The following SDK1 variants were observed in gnomAD, a reference collection of about 807,000 sequenced individuals.
SDK1 encodes the protein sidekick cell adhesion molecule 1.
SDK1 carries 157 observed loss-of-function variants against 245.5 expected under a neutral mutation model. The ratio of observed to expected loss-of-function variants is 0.64; its 90% CI spans 0.56 to 0.73. The LOEUF (loss-of-function observed/expected upper bound fraction) is 0.73, where lower values mean the gene tolerates loss of function less well. SDK1 is among the 30% of genes least tolerant of loss of function. The pLI, the probability that SDK1 is intolerant of heterozygous loss-of-function variation, is 0.00. For missense variants in SDK1, 3,583 were observed against 3,002.3 expected (o/e 1.19, Z -4.52); for synonymous variants, 1,647 against 1,278.5 (o/e 1.29, Z -6.15).
intron 1 of SDK1, among the ~76,000 whole-genome samples, chr7:3,396,530 T>C (rs1227777327): frequency 2.6e-5 from 4 of 151,910 alleles, no homozygotes; most frequent in African/African-American, 9.7e-5. Context: ...TAGTTTTATG[T>C]ATTTTGGACC....
intron 1 of SDK1, among the ~76,000 whole-genome samples, chr7:3,608,638 T>C (rs1781495991): frequency 6.6e-6 from 1 of 152,234 alleles, no homozygotes; most frequent in South Asian, 2.1e-4. Context: ...TTTTACATTG[T>C]ATAATGAAAC....
At chr7:3,982,397 A>G (rs1783478885) in intron 13 of SDK1, among the ~76,000 whole-genome samples, 1 of 152,206 alleles carries the variant, frequency 6.6e-6, no homozygotes, top group African/African-American at 2.4e-5. Context: ...CAGACTGTGG[A>G]TGAAGGTGGA....
chr7:4,139,591 GTATATGTA>G (rs1779382622), intron 28 of SDK1, among the ~76,000 whole-genome samples: 2 of 70,068 alleles, frequency 2.9e-5, no homozygotes, highest in South Asian at 4.2e-4. Context: ...GTATGTGTGT[GTATATGTA>G]TATATGTGTG....
intron 4 of SDK1, among the ~76,000 whole-genome samples, chr7:3,695,205 A>G (rs112758409): frequency 6.6e-6 from 1 of 152,234 alleles, no homozygotes; most frequent in South Asian, 2.1e-4. Context: ...GGCGCCTCAC[A>G]CAGCAAATTA....
chr7:3,651,618 C>T (rs996181603), intron 4 of SDK1, among the ~76,000 whole-genome samples: 15 of 152,120 alleles, frequency 9.9e-5, no homozygotes, highest in African/African-American at 3.6e-4. Context: ...AGATACTATG[C>T]AGAGACCAAT....
At chr7:3,801,059 C>G (rs549423865) in intron 4 of SDK1, among the ~76,000 whole-genome samples, 86 of 152,248 alleles carry the variant, frequency 5.6e-4, no homozygotes, top group African/African-American at 2.0e-3. Flanking sequence ...TTTCATTTTC[C>G]TAGTATATTC....
At position 4,129,780 on chromosome 7, in the gene SDK1, C is replaced by A. The variant is rs1047135096; in HGVS notation, c.3940-128C>A. The A allele has an allele frequency of 5.9e-6, 9 of 1,514,272 alleles. No individual in the cohort carries two copies. The East Asian group carries it at 2.1e-4, about 35-fold the overall frequency. 93.8% of individuals were successfully genotyped at this position (1,514,272 alleles called of 1,614,324 possible). On this transcript the variant is annotated intron_variant, in intron 26 of 44. Transcript: ENST00000404826. ...ACAAATTAGATCCAGAAGCCCTGCA[C>A]ACAGCCATCCTCAGGGAGAAAGCAC...
At chr7:3,323,923 C>T (rs1779879319) in intron 1 of SDK1, among the ~76,000 whole-genome samples, 1 of 152,182 alleles carries the variant, frequency 6.6e-6, no homozygotes, top group Non-Finnish European at 1.5e-5. Context: ...GTCATCTTCT[C>T]TGTCTTTTGA....
At chr7:4,128,152 T>A (rs1378405930) in intron 26 of SDK1, among the ~76,000 whole-genome samples, 1 of 152,178 alleles carries the variant, frequency 6.6e-6, no homozygotes, top group Admixed American at 6.5e-5. Flanking sequence ...GGCTCAGCAA[T>A]GCCAAGCATC....
intron 1 of SDK1, among the ~76,000 whole-genome samples, chr7:3,378,285 T>C (rs1464174763): frequency 6.6e-6 from 1 of 152,200 alleles, no homozygotes; most frequent in African/African-American, 2.4e-5. Flanking sequence ...TATGGTCTGC[T>C]GATGGCACTG....
At chr7:4,201,154 T>C (rs1391050402) in intron 35 of SDK1, among the ~76,000 whole-genome samples, 1 of 152,212 alleles carries the variant, frequency 6.6e-6, no homozygotes, top group Non-Finnish European at 1.5e-5. Context: ...GCTGGCTTTC[T>C]TGCACTTCTG....
intron 17 of SDK1, among the ~76,000 whole-genome samples, chr7:4,041,560 AAG>A (rs778211313): frequency 2.0e-5 from 3 of 152,032 alleles, no homozygotes; most frequent in Non-Finnish European, 4.4e-5. Context: ...TAGCCTACAG[AAG>A]AGTTTCCTTG....
Position 3,804,938 on chromosome 7 carries a change from A to C in SDK1, c.714-16512A>C, listed in dbSNP as rs374879516. 1.8e-4 allele frequency among the ~76,000 whole-genome samples: 28 copies of C among 152,340 alleles called. No individual in the cohort carries two copies. In the East Asian group the frequency reaches 5.2e-3, roughly 28 times the overall value. The stretch of plus-strand genomic sequence containing the variant: ...CACAAAATTTTAGTTAGAAGGAATA[A>C]GTTCAGGAGATCTATTAAACGGCAT... On this transcript the variant is annotated intron_variant, in intron 4 of 44. Transcript: ENST00000404826.
intron 4 of SDK1, among the ~76,000 whole-genome samples, chr7:3,713,641 A>C (rs1467500996): frequency 1.3e-5 from 2 of 152,218 alleles, no homozygotes; most frequent in Non-Finnish European, 2.9e-5. Flanking sequence ...ATAAGATCCC[A>C]TCCGTCATCA....
chr7:3,447,990 C>T (rs1486914824), intron 1 of SDK1, among the ~76,000 whole-genome samples: 1 of 152,098 alleles, frequency 6.6e-6, no homozygotes, highest in Non-Finnish European at 1.5e-5. Flanking sequence ...AGGTGTGAGC[C>T]ACTGCACCCG....
At chr7:3,724,013 G>A (rs999130589) in intron 4 of SDK1, among the ~76,000 whole-genome samples, 2 of 151,176 alleles carry the variant, frequency 1.3e-5, no homozygotes. Flanking sequence ...GCCTAGGCTG[G>A]AGTACAGTGG....
At chr7:3,532,503 G>C (rs1783381585) in intron 1 of SDK1, among the ~76,000 whole-genome samples, 1 of 152,134 alleles carries the variant, frequency 6.6e-6, no homozygotes, top group Non-Finnish European at 1.5e-5. Flanking sequence ...TGAGCCCTGA[G>C]AGTATCATGG....
At chr7:3,499,447 C>T (rs192970674) in intron 1 of SDK1, among the ~76,000 whole-genome samples, 18 of 152,220 alleles carry the variant, frequency 1.2e-4, no homozygotes, top group Non-Finnish European at 2.6e-4. Context: ...CAAAGTTGAG[C>T]TCCAAACTAC....
intron 17 of SDK1, among the ~76,000 whole-genome samples, chr7:4,036,679 G>A (rs974640202): frequency 1.3e-5 from 2 of 152,142 alleles, no homozygotes; most frequent in African/African-American, 2.4e-5. Context: ...GGATTAGATT[G>A]TGAGGGCTGG....
Sources: gnomAD v4.1 joint callset for allele counts (sites outside exome capture counted in the v4.1 genomes callset) on GRCh38, gnomAD v4.1.1 for gene constraint, MANE v1.5 for transcripts, NCBI Gene and HGNC (gene_info 2026-07-23, HGNC 2026-07-21) for gene names.